The following EIF3J variants were observed in gnomAD, a reference collection of about 807,000 sequenced individuals.
EIF3J encodes the protein eukaryotic translation initiation factor 3, subunit 1 (alpha, 35kD).
In EIF3J, 15 loss-of-function variants were observed where a neutral mutation model predicts 39.0. That is an observed-to-expected ratio of 0.38 (90% CI 0.26 to 0.59). The LOEUF (loss-of-function observed/expected upper bound fraction) is 0.59. Ranked by LOEUF, EIF3J falls within the 20% of genes least tolerant of loss-of-function variation. The pLI is 0.60. For synonymous variants in EIF3J, 98 were observed against 112.9 expected (o/e 0.87, Z 0.84); for missense variants, 226 against 308.6 (o/e 0.73, Z 2.00).
rs2082156483 is a variant in EIF3J, at chr15:44,557,628, A to G, written c.549A>G (p.Leu183=). The part of the protein sequence containing the change: ...SLYYASFLEV[L]VRDVCISLEI... The stretch of plus-strand genomic sequence containing the variant: ...ATTATGCCAGTTTTTTGGAAGTCTT[A>G]GTTCGAGATGTGTGTATTTCATGTA... The change falls in exon 6 of 8, where the codon TTA becomes TTG. Residue 183 remains leucine (L), a synonymous_variant. Coordinates refer to ENST00000261868, the MANE Select transcript of EIF3J (RefSeq NM_003758.4). 3 of 1,519,620 alleles carry G rather than the reference A, an allele frequency of 2.0e-6. No individual in the cohort carries two copies. Among genetic ancestry groups the G allele is most frequent in the Non-Finnish European group, 2.6e-6 (3 of 1,132,574 alleles). 94.1% of individuals were successfully genotyped at this position (1,519,620 alleles called of 1,614,324 possible).
chr15:44,545,761 C>T (rs370936915), intron 2 of EIF3J, among the ~76,000 whole-genome samples: 16 of 152,190 alleles, frequency 1.1e-4, no homozygotes, highest in South Asian at 8.3e-4. Context: ...CTATAATCAC[C>T]GTACTGTGTA....
rs1332742891 is a variant in EIF3J at position 44,561,529 on chromosome 15, A to T, written c.*380A>T. 1 of 159,238 alleles carries T rather than the reference A, an allele frequency of 6.3e-6. No homozygotes were observed. The highest frequency in any genetic ancestry group is 1.8e-4 in the East Asian group (1 of 5,664). 9.9% of individuals were successfully genotyped at this position (159,238 alleles called of 1,614,324 possible). A position where few individuals can be genotyped will look rare whatever the true frequency, so the allele number is the denominator to read the frequency against. ...AGCCTTAACCATACCTCCTTGAACT[A>T]CTTCATAACTTGTCAAGAAAAGCAG... is the stretch of plus-strand genomic sequence containing the variant. On this transcript the variant is annotated 3_prime_UTR_variant, in exon 8 of 8. Transcript: ENST00000261868.
chr15:44,549,859 C>T (rs1457221228), intron 2 of EIF3J, among the ~76,000 whole-genome samples: 1 of 147,734 alleles, frequency 6.8e-6, no homozygotes. Context: ...ACTGGGGAGG[C>T]TGAGGCAGGA....
chr15:44,540,272 T>TATA, intron 2 of EIF3J, among the ~76,000 whole-genome samples: 1 of 88,444 alleles, frequency 1.1e-5, no homozygotes, highest in South Asian at 4.8e-4. Context: ...TATATATTTT[T>TATA]TTTTTTTTTT....
chr15:44,557,898 T>G (rs1401198144), intron 6 of EIF3J: 1 of 254,644 alleles, frequency 3.9e-6, no homozygotes, highest in Non-Finnish European at 7.4e-6. Context: ...TACCTGGGCT[T>G]GTCAGCAAAG....
At chr15:44,546,023 A>G (rs769808128) in intron 2 of EIF3J, among the ~76,000 whole-genome samples, 7 of 152,190 alleles carry the variant, frequency 4.6e-5, no homozygotes, top group Non-Finnish European at 8.8e-5. Flanking sequence ...GAAGTAAGCA[A>G]ATGGTCCTCC....
In EIF3J at chr15:44,540,264, TATA is replaced by T. The variant is rs1271255537; in HGVS notation, c.147+2838_147+2840del. 8.9e-3 allele frequency among the ~76,000 whole-genome samples: 460 copies of T among 51,834 alleles called. 1 individual carries two copies. The highest frequency in any genetic ancestry group is 0.013 in the Non-Finnish European group (330 of 25,656). 34.0% of individuals were successfully genotyped at this position (51,834 alleles called of 152,430 possible). On this transcript the variant is annotated intron_variant, in intron 2 of 7. Transcript: ENST00000261868. ...ATATATATATATATATATATATATA[TATA>T]TTTTTTTTTTTTTTTTGTAGATACA...
At chr15:44,555,826 G>A (rs2082140010) in intron 5 of EIF3J, among the ~76,000 whole-genome samples, 1 of 152,104 alleles carries the variant, frequency 6.6e-6, no homozygotes, top group South Asian at 2.1e-4. Flanking sequence ...GGAGGATACA[G>A]AAGCATACTT....
At chr15:44,555,029 T>C (rs923059503) in intron 5 of EIF3J, among the ~76,000 whole-genome samples, 1 of 152,218 alleles carries the variant, frequency 6.6e-6, no homozygotes, top group Admixed American at 6.5e-5. Flanking sequence ...TCTTAAGACT[T>C]AGACAGTAGG....
chr15:44,547,210 C>A (rs886566838), intron 2 of EIF3J, among the ~76,000 whole-genome samples: 9 of 152,092 alleles, frequency 5.9e-5, no homozygotes, highest in Non-Finnish European at 1.3e-4. Flanking sequence ...ATGGCGCGAT[C>A]TCGGCTCACC....
intron 2 of EIF3J, 137 bp downstream of exon 2, chr15:44,537,564 C>T (rs1567114202): frequency 4.4e-6 from 4 of 898,944 alleles, no homozygotes; most frequent in South Asian, 2.1e-5. Context: ...GTGCTCTCTT[C>T]CCCTCCGCTT....
rs1275301772 is a variant in EIF3J, at chr15:44,554,548, T to G, written c.295-5T>G. 1 of 1,599,618 alleles carries G rather than the reference T, an allele frequency of 6.3e-7. No homozygotes were observed. The highest frequency in any genetic ancestry group is 1.7e-5 in the Admixed American group (1 of 57,720). ...TGCTTTTTAAAAACTTTTGTCTCAT[T>G]TTAGTTAGAAGAACCCGAAGAACCT... On this transcript the variant is annotated splice_polypyrimidine_tract_variant and splice_region_variant and intron_variant, in intron 4 of 7. Transcript: ENST00000261868.
intron 2 of EIF3J, among the ~76,000 whole-genome samples, chr15:44,546,626 G>A (rs1421450403): frequency 6.6e-6 from 1 of 151,962 alleles, no homozygotes; most frequent in Non-Finnish European, 1.5e-5. Context: ...ATGTCATAGT[G>A]TGCCTGGTGG....
intron 3 of EIF3J, 71 bp downstream of exon 3, chr15:44,551,001 A>G: frequency 6.5e-7 from 1 of 1,529,052 alleles, no homozygotes; most frequent in Non-Finnish European, 8.8e-7. Flanking sequence ...ATTAAGACAA[A>G]TGACAGAACG....
At chr15:44,540,235 CTATATATATATATATA>C (rs1158019805) in intron 2 of EIF3J, among the ~76,000 whole-genome samples, 1 of 76,260 alleles carries the variant, frequency 1.3e-5, no homozygotes, top group African/African-American at 5.7e-5. Flanking sequence ...CCGCGCCTGG[CTATATATATATATATA>C]TATATATATA....
intron 4 of EIF3J, among the ~76,000 whole-genome samples, chr15:44,551,980 G>A (rs1021714663): frequency 5.3e-5 from 8 of 151,600 alleles, no homozygotes; most frequent in African/African-American, 1.9e-4. Context: ...CAGGAGCCAC[G>A]GCGAGCTAAT....
At chr15:44,555,604 A>T (rs80255833) in intron 5 of EIF3J, among the ~76,000 whole-genome samples, 13,654 of 152,220 alleles carry the variant, frequency 0.09, 1,246 homozygotes, top group East Asian at 0.23. Context: ...TTGGCTGTTA[A>T]TATGTGTCTT....
chr15:44,548,834 C>G (rs1032418743), intron 2 of EIF3J, among the ~76,000 whole-genome samples: 12 of 152,132 alleles, frequency 7.9e-5, no homozygotes, highest in African/African-American at 2.9e-4. Context: ...CCCTACTTCT[C>G]AACACTGTTG....
At chr15:44,548,776 A>T (rs770849212) in intron 2 of EIF3J, among the ~76,000 whole-genome samples, 3 of 152,344 alleles carry the variant, frequency 2.0e-5, no homozygotes, top group East Asian at 3.9e-4. Flanking sequence ...ATATAAAGGT[A>T]TTAATAATTC....
Sources: gnomAD v4.1 joint callset for allele counts (sites outside exome capture counted in the v4.1 genomes callset) on GRCh38, gnomAD v4.1.1 for gene constraint, MANE v1.5 for transcripts, NCBI Gene and HGNC (gene_info 2026-07-23, HGNC 2026-07-21) for gene names.